HERC1: variants seen among roughly 807,000 people sequenced by gnomAD.
The protein encoded by HERC1 is HECT and RLD domain containing E3 ubiquitin protein ligase family member 1.
HERC1 carries 160 observed loss-of-function variants against 554.3 expected under a neutral mutation model. The ratio of observed to expected loss-of-function variants is 0.29; its 90% CI spans 0.25 to 0.33. The LOEUF is 0.33. Among genes scored for constraint, HERC1 ranks in the 10% least tolerant of loss-of-function variants. The probability of loss-of-function intolerance (pLI) is 1.00; values close to 1 mark genes in which losing one functional copy is unlikely to be tolerated. For synonymous variants in HERC1, 2,175 were observed against 2,131.7 expected, an observed-to-expected ratio of 1.02 and a Z score of -0.56; for missense variants, 4,919 against 5,918.5, an observed-to-expected ratio of 0.83 and a Z score of 5.54.
chr15:63,645,810 A>G, intron 55 of HERC1, 128 bp from the exon 56 acceptor site: 1 of 619,472 alleles, frequency 1.6e-6, no homozygotes, highest in Non-Finnish European at 2.7e-6. Context: ...TGAAATCAAT[A>G]TTTTATGCAA....
At chr15:63,729,695 T>C (rs2074194431) in intron 14 of HERC1, 46 bp from the exon 15 acceptor site, 3 of 1,582,638 alleles carry the variant, frequency 1.9e-6, no homozygotes. Flanking sequence ...TGCTTGAAAC[T>C]GAAAGTAACA....
At chr15:63,708,608 G>A (rs998700631) in intron 24 of HERC1, among the ~76,000 whole-genome samples, 4 of 152,130 alleles carry the variant, frequency 2.6e-5, no homozygotes, top group Non-Finnish European at 4.4e-5. Context: ...TTAGCAAGCA[G>A]AGAATAACAG....
chr15:63,833,757 A>ACGCGCGCGCG (rs1443916624), intron 1 of HERC1, 70 bp downstream of exon 1: 1 of 92,800 alleles, frequency 1.1e-5, no homozygotes, highest in Admixed American at 9.5e-5. Context: ...GCGCGCGCAC[A>ACGCGCGCGCG]CACACACACA....
intron 3 of HERC1, among the ~76,000 whole-genome samples, chr15:63,763,618 G>A (rs2075681174): frequency 6.6e-6 from 1 of 151,470 alleles, no homozygotes; most frequent in South Asian, 2.1e-4. Context: ...AGTGTCTAAG[G>A]ATGCACATCT....
intron 1 of HERC1, among the ~76,000 whole-genome samples, chr15:63,819,201 A>C (rs2069195262): frequency 6.6e-6 from 1 of 152,090 alleles, no homozygotes; most frequent in Non-Finnish European, 1.5e-5. Context: ...GCAGAACCAG[A>C]ACCAGTTCAT....
intron 12 of HERC1, among the ~76,000 whole-genome samples, chr15:63,736,798 G>A (rs530975089): frequency 1.1e-4 from 17 of 152,110 alleles, no homozygotes; most frequent in African/African-American, 3.1e-4. Flanking sequence ...GTAGAGATGG[G>A]GTTTCACCAT....
intron 12 of HERC1, among the ~76,000 whole-genome samples, chr15:63,739,326 C>A (rs768773476): frequency 2.6e-4 from 39 of 150,388 alleles, no homozygotes; most frequent in Admixed American, 1.3e-4. Flanking sequence ...GCCTCCCAAG[C>A]GGCTAGGACT....
At chr15:63,669,935 T>C (rs762389613) in intron 39 of HERC1, among the ~76,000 whole-genome samples, 1 of 152,020 alleles carries the variant, frequency 6.6e-6, no homozygotes, top group Non-Finnish European at 1.5e-5. Context: ...ACAAAGCAGG[T>C]TGGGGGAATA....
At chr15:63,826,814 A>AAAAAATAT (rs1567168622) in intron 1 of HERC1, among the ~76,000 whole-genome samples, 1 of 22,262 alleles carries the variant, frequency 4.5e-5, no homozygotes, top group African/African-American at 1.3e-4. Flanking sequence ...AAAAAAAAAA[A>AAAAAATAT]ATATATATAT....
chr15:63,732,966 T>C lies in HERC1; in HGVS notation c.2826A>G (p.Glu942=). 6.2e-7 allele frequency: 1 copy of C among 1,613,894 alleles called. No homozygotes were observed. The highest frequency in any genetic ancestry group is 1.7e-4 in the Middle Eastern group (1 of 6,060). The change falls in exon 14 of 78, where the codon GAA becomes GAG. Residue 942 remains glutamate (E), a synonymous_variant. Transcript: ENST00000443617. ...TTCTTAAGAGGGTCTTCATCAAAATTTCAGCCAGGTGGGTATCTGGATGGC... is the reference window on the plus strand; with the variant it reads ...TTCTTAAGAGGGTCTTCATCAAAATCTCAGCCAGGTGGGTATCTGGATGGC... ...QSCHPDTHLA[E]ILMKTLLRNL...
Position 63,754,644 on chromosome 15 carries a change from A to G in HERC1, c.1635T>C (p.His545=), listed in dbSNP as rs997175304. 7 of 1,611,738 alleles carry G rather than the reference A, an allele frequency of 4.3e-6. No individual in the cohort carries two copies. Among genetic ancestry groups the G allele is most frequent in the South Asian group, 1.1e-5 (1 of 90,498 alleles). ...GAATGTTACGACTATTGCTGTCACC[A>G]TGACCTTGGATAAAACACACACAAC... ...WGEGDFGRLG[H]GDSNSRNIPT... The change falls in exon 7 of 78, where the codon CAT becomes CAC. Residue 545 remains histidine (H), a synonymous_variant. Coordinates refer to ENST00000443617, the MANE Select transcript of HERC1 (RefSeq NM_003922.4).
chr15:63,686,947 G>A (rs2071794173), intron 33 of HERC1, among the ~76,000 whole-genome samples: 1 of 152,230 alleles, frequency 6.6e-6, no homozygotes, highest in Non-Finnish European at 1.5e-5. Flanking sequence ...TGTACAGCAT[G>A]TGCCAAGGCA....
chr15:63,727,104 C>G lies in HERC1; in HGVS notation c.3346+543G>C, dbSNP rs749914507. 1.3e-5 allele frequency among the ~76,000 whole-genome samples: 2 copies of G among 151,884 alleles called. No homozygotes were observed. The highest frequency in any genetic ancestry group is 2.4e-5 in the African/African-American group (1 of 41,300). On this transcript the variant is annotated intron_variant, in intron 17 of 77. Transcript: ENST00000443617. The surrounding 1 kb of genome is among the most constrained non-coding windows in gnomAD (Gnocchi z 4.3). Reference sequence around the variant, plus strand: ...CAGCCTGGCCAACATGGTGAAACCCCGTCTCTACTAAAAATACAAAAATTA... The same window carrying G: ...CAGCCTGGCCAACATGGTGAAACCCGGTCTCTACTAAAAATACAAAAATTA...
In HERC1 at chr15:63,651,237, T is replaced by C; in HGVS notation, c.10546+16A>G. The C allele has an allele frequency of 6.2e-7, 1 of 1,612,904 alleles. No homozygotes were observed. The highest frequency in any genetic ancestry group is 8.5e-7 in the Non-Finnish European group (1 of 1,179,450). On this transcript the variant is annotated intron_variant, in intron 53 of 77. Coordinates refer to ENST00000443617, the MANE Select transcript of HERC1 (RefSeq NM_003922.4). ...AACTACTTTCAGCAGTTTACTAGTGTTTACATGACTCTTACCATTAACTTG... is the reference window on the plus strand; with the variant it reads ...AACTACTTTCAGCAGTTTACTAGTGCTTACATGACTCTTACCATTAACTTG...
chr15:63,628,741 C>T lies in HERC1; in HGVS notation c.13041G>A (p.Gln4347=). ...VTGLQGKNVR[Q]ISAGRCHSAA... is the part of the protein sequence containing the mutation. ...CACTGTGGCAGCGGCCAGCCGAGAT[C>T]TGCCGAACATTTTTCCCTTGCAGAC... Residue 4347 remains glutamine, a synonymous_variant, in exon 70 of 78, where the codon CAG becomes CAA. Transcript: ENST00000443617. 1 of 1,614,002 alleles carries T rather than the reference C, an allele frequency of 6.2e-7. No homozygotes were observed.
chr15:63,825,606 C>G lies in HERC1; in HGVS notation c.-27+8221G>C, dbSNP rs532768760. ...GACTTTTGTGGGCTTATTTTGTAAT[C>G]AGTAAAATGAAGTATTATTTGAAGT... On this transcript the variant is annotated intron_variant, in intron 1 of 77. Coordinates refer to ENST00000443617, the MANE Select transcript of HERC1 (RefSeq NM_003922.4). Among the ~76,000 whole-genome samples the G allele has an allele frequency of 5.5e-4, 83 of 152,036 alleles. 4 individuals are homozygous for G. The South Asian group carries it at 0.017, about 31-fold the overall frequency.
chr15:63,807,604 A>G (rs2077174848), intron 1 of HERC1, among the ~76,000 whole-genome samples: 1 of 152,084 alleles, frequency 6.6e-6, no homozygotes, highest in Non-Finnish European at 1.5e-5. Flanking sequence ...TCCTGTCAGG[A>G]CCCTCACTGA....
chr15:63,624,301 TC>T lies in HERC1; in HGVS notation c.13301del (p.Gly4434GlufsTer14). The T allele has an allele frequency of 6.2e-7, 1 of 1,611,512 alleles. No individual in the cohort carries two copies. Among genetic ancestry groups the T allele is most frequent in the Non-Finnish European group, 8.5e-7 (1 of 1,178,192 alleles). ...NQNSTSHYNA[G>X]TWGIVQGQLR... ...GTTGTCCCTGTACAATGCCCCAAGT[TC>T]CAGCATTATAATGGGATGTGCTGTT... On this transcript the variant is annotated frameshift_variant, in exon 72 of 78. Coordinates refer to ENST00000443617, the MANE Select transcript of HERC1 (RefSeq NM_003922.4). LOFTEE classifies it high-confidence loss of function.
chr15:63,640,986 G>C (rs1382738139), intron 60 of HERC1, among the ~76,000 whole-genome samples: 13 of 152,142 alleles, frequency 8.5e-5, no homozygotes, highest in Non-Finnish European at 1.6e-4. Flanking sequence ...TTCAAACGCT[G>C]CAATTCCTCA....
Sources: allele counts gnomAD v4.1 joint callset (sites outside exome capture counted in the v4.1 genomes callset), GRCh38; gene constraint gnomAD v4.1.1; non-coding constraint Gnocchi (gnomAD v3.1); transcripts MANE v1.5; gene names NCBI Gene and HGNC (gene_info 2026-07-23, HGNC 2026-07-21).